RNGTT: variants seen among roughly 807,000 people sequenced by gnomAD.
RNGTT encodes the protein mRNA-capping enzyme.
A neutral mutation model predicts 79.3 loss-of-function variants in RNGTT; 33 were observed. The observed-to-expected ratio is 0.42, with a 90% CI of 0.32 to 0.56. The LOEUF (loss-of-function observed/expected upper bound fraction) is 0.56. Among genes scored for constraint, RNGTT ranks in the 20% least tolerant of loss-of-function variants. RNGTT has a pLI of 0.17. For synonymous variants in RNGTT, 222 were observed against 235.9 expected (o/e 0.94, Z 0.54); for missense variants, 497 against 739.1 (o/e 0.67, Z 3.80).
chr6:88,704,901 G>A (rs932152257), intron 13 of RNGTT, among the ~76,000 whole-genome samples: 12 of 151,986 alleles, frequency 7.9e-5, no homozygotes, highest in African/African-American at 2.9e-4. Flanking sequence ...TATAGGATAT[G>A]TCAGACTCTG....
intron 12 of RNGTT, among the ~76,000 whole-genome samples, chr6:88,797,822 G>A (rs1237039407): frequency 6.6e-6 from 1 of 151,394 alleles, no homozygotes; most frequent in African/African-American, 2.4e-5. Flanking sequence ...TGTGGAGGGG[G>A]TTAGTGGAAT....
At chr6:88,923,734 T>G (rs1784232943) in intron 4 of RNGTT, among the ~76,000 whole-genome samples, 1 of 152,150 alleles carries the variant, frequency 6.6e-6, no homozygotes, top group South Asian at 2.1e-4. Flanking sequence ...CTTTTCCTCA[T>G]AAAACATAGC....
At chr6:88,863,174 T>C (rs1279141785) in intron 8 of RNGTT, among the ~76,000 whole-genome samples, 1 of 152,232 alleles carries the variant, frequency 6.6e-6, no homozygotes. Flanking sequence ...ACCAATTTAA[T>C]TGTCAAATTA....
rs181013373 is a variant in RNGTT at position 88,629,749 on chromosome 6, G to A, written c.1507-15354C>T. ...TATTTTCTGGAAAGTTGTTTTCTGG[G>A]TATATGAAATTAAGTCTGAGGATAA... On this transcript the variant is annotated intron_variant, in intron 14 of 15. Coordinates refer to ENST00000369485, the MANE Select transcript of RNGTT (RefSeq NM_003800.5). 1.9e-3 allele frequency among the ~76,000 whole-genome samples: 290 copies of A among 152,262 alleles called. 4 individuals are homozygous for A. Among genetic ancestry groups the A allele is most frequent in the African/African-American group, 6.8e-3 (284 of 41,542 alleles).
At chr6:88,682,952 C>A (rs1435240676) in intron 13 of RNGTT, among the ~76,000 whole-genome samples, 1 of 151,870 alleles carries the variant, frequency 6.6e-6, no homozygotes, top group African/African-American at 2.4e-5. Flanking sequence ...AGCAAAATAA[C>A]AATATATCAA....
intron 1 of RNGTT, among the ~76,000 whole-genome samples, chr6:88,961,323 A>ATG (rs537499568): frequency 6.6e-5 from 10 of 151,704 alleles, no homozygotes; most frequent in East Asian, 1.9e-4. Flanking sequence ...TTACGTCTGT[A>ATG]TGTGTGTGTG....
At chr6:88,954,699 C>G (rs1276199544) in intron 1 of RNGTT, among the ~76,000 whole-genome samples, 3 of 151,288 alleles carry the variant, frequency 2.0e-5, no homozygotes, top group African/African-American at 7.3e-5. Context: ...TCCTCTCATA[C>G]CACAGTGGAA....
intron 11 of RNGTT, among the ~76,000 whole-genome samples, chr6:88,805,286 A>G (rs1458130247): frequency 1.3e-5 from 2 of 152,178 alleles, no homozygotes; most frequent in Admixed American, 1.3e-4. Context: ...ACCAATTCTT[A>G]AAAACTAAGT....
At chr6:88,868,495 C>T (rs930362779) in intron 8 of RNGTT, among the ~76,000 whole-genome samples, 1 of 152,196 alleles carries the variant, frequency 6.6e-6, no homozygotes, top group Middle Eastern at 3.2e-3. Flanking sequence ...CGGTCCAGCT[C>T]AGGCTGTTTC....
intron 1 of RNGTT, among the ~76,000 whole-genome samples, chr6:88,949,158 TGAA>T (rs1249021665): frequency 5.0e-4 from 9 of 18,008 alleles, no homozygotes; most frequent in Admixed American, 5.0e-3. Context: ...TAAAATAAAA[TGAA>T]AAAAAAAAAA....
intron 1 of RNGTT, among the ~76,000 whole-genome samples, chr6:88,961,674 T>A (rs542048433): frequency 2.8e-3 from 423 of 152,366 alleles, no homozygotes; most frequent in Non-Finnish European, 4.8e-3. Context: ...GTCCTTTGAA[T>A]TTCTTCTGTA....
intron 11 of RNGTT, among the ~76,000 whole-genome samples, chr6:88,830,373 A>C (rs1470698034): frequency 6.6e-6 from 1 of 152,214 alleles, no homozygotes; most frequent in Non-Finnish European, 1.5e-5. Context: ...GTTATTTGAA[A>C]CCAATGAGAA....
At chr6:88,786,992 A>T (rs556464797) in intron 12 of RNGTT, among the ~76,000 whole-genome samples, 1 of 152,248 alleles carries the variant, frequency 6.6e-6, no homozygotes, top group South Asian at 2.1e-4. Flanking sequence ...GCAGGCCTTC[A>T]CCACACACCG....
chr6:88,928,824 T>G (rs1048831894), intron 4 of RNGTT, among the ~76,000 whole-genome samples, 161 bp downstream of exon 4: 20 of 152,320 alleles, frequency 1.3e-4, no homozygotes, highest in Admixed American at 8.5e-4. Context: ...GAAAATACAT[T>G]TATTACATAA....
chr6:88,642,474 GAAGT>G (rs1233009835), intron 14 of RNGTT, among the ~76,000 whole-genome samples: 1 of 152,194 alleles, frequency 6.6e-6, no homozygotes, highest in Admixed American at 6.5e-5. Flanking sequence ...TTGGATAACT[GAAGT>G]AAGTATATAC....
intron 13 of RNGTT, among the ~76,000 whole-genome samples, chr6:88,689,019 G>A (rs540292997): frequency 6.6e-6 from 1 of 152,116 alleles, no homozygotes; most frequent in Admixed American, 6.6e-5. Context: ...TATGTTATTG[G>A]TAAGGCTTCC....
intron 13 of RNGTT, among the ~76,000 whole-genome samples, chr6:88,769,208 G>C (rs1778565849): frequency 6.6e-6 from 1 of 152,066 alleles, no homozygotes; most frequent in Admixed American, 6.5e-5. Context: ...ACCCAGGCTG[G>C]AGTGCAGCAG....
At chr6:88,868,917 A>C (rs762114141) in intron 8 of RNGTT, among the ~76,000 whole-genome samples, 42 of 152,182 alleles carry the variant, frequency 2.8e-4, no homozygotes, top group Non-Finnish European at 5.6e-4. Flanking sequence ...ACTGAAAGGG[A>C]TTTTAATAAT....
intron 11 of RNGTT, among the ~76,000 whole-genome samples, chr6:88,839,242 T>C (rs1032914432): frequency 9.9e-5 from 15 of 152,034 alleles, no homozygotes; most frequent in African/African-American, 3.4e-4. Flanking sequence ...CAAGTTTTTT[T>C]TAAAGAAAAA....
Sources: gnomAD v4.1 joint callset for allele counts (sites outside exome capture counted in the v4.1 genomes callset) on GRCh38, gnomAD v4.1.1 for gene constraint, MANE v1.5 for transcripts, NCBI Gene and HGNC (gene_info 2026-07-23, HGNC 2026-07-21) for gene names.